NUP85: variants seen among roughly 807,000 people sequenced by gnomAD.
NUP85 encodes nucleoporin 85.
NUP85 carries 23 observed loss-of-function variants against 92.8 expected under a neutral mutation model. The ratio of observed to expected loss-of-function variants is 0.25; its 90% CI spans 0.18 to 0.35. The LOEUF is 0.35. Ranked by LOEUF, NUP85 falls within the 10% of genes least tolerant of loss-of-function variation. NUP85 has a pLI of 1.00. For missense variants in NUP85, 759 were observed against 822.8 expected, an observed-to-expected ratio of 0.92 and a Z score of 0.95; for synonymous variants, 314 against 306.9, an observed-to-expected ratio of 1.02 and a Z score of -0.24.
chr17:75,211,347 T>G (rs570678124), intron 3 of NUP85, among the ~76,000 whole-genome samples: 1 of 152,014 alleles, frequency 6.6e-6, no homozygotes, highest in East Asian at 1.9e-4. Flanking sequence ...ATTGGTGAGT[T>G]TGAGAAATCT....
rs1356284240 is a variant in NUP85, at chr17:75,235,588, T to G, written c.1880T>G (p.Ile627Arg). The change falls in exon 19 of 19, where the codon ATA (isoleucine) becomes AGA (arginine). Residue 627 changes from isoleucine (I) to arginine (R), a missense_variant. Physicochemically the swap from Ile to Arg is moderately conservative, Grantham distance 97. Transcript: ENST00000245544. Reference sequence around the variant, plus strand: ...CTCTCTGCTTTGCAGGATGATGACATAGAGACCACCAAGGTGGAAATGCTG... The same window carrying G: ...CTCTCTGCTTTGCAGGATGATGACAGAGAGACCACCAAGGTGGAAATGCTG... ...SDTEQLQDDD[I>R]ETTKVEMLRL... The G allele has an allele frequency of 6.2e-7, 1 of 1,613,760 alleles. No homozygotes were observed. Among genetic ancestry groups the G allele is most frequent in the East Asian group, 2.2e-5 (1 of 44,882 alleles).
intron 11 of NUP85, chr17:75,228,270 A>G: frequency 1.0e-6 from 1 of 985,424 alleles, no homozygotes; most frequent in African/African-American, 1.7e-5. Flanking sequence ...AAGTACCATG[A>G]AGAGGGGTGA....
rs745598348 is a variant in NUP85, at chr17:75,232,806, AT to A, written c.1397-42del. ...CCCCACAGGGCTCAGGAATGGAGTG[AT>A]TTGTGGAGTGAAAGCCGTTTACCTT... is the stretch of plus-strand genomic sequence containing the variant. On this transcript the variant is annotated intron_variant, in intron 14 of 18. Transcript: ENST00000245544. The A allele has an allele frequency of 3.9e-6, 6 of 1,557,704 alleles. No homozygotes were observed. In the African/African-American group the frequency reaches 6.8e-5, roughly 18 times the overall value.
intron 3 of NUP85, 89 bp from the exon 4 acceptor site, chr17:75,211,903 A>G (rs2075270017): frequency 1.9e-6 from 2 of 1,049,974 alleles, no homozygotes; most frequent in Non-Finnish European, 2.9e-6. Context: ...TTCTTTCAGC[A>G]AATTTCTGCA....
In NUP85 at chr17:75,225,147, G is replaced by C; in HGVS notation, c.642G>C (p.Gln214His). 1 of 1,601,332 alleles carries C rather than the reference G, an allele frequency of 6.2e-7. No individual in the cohort carries two copies. Among genetic ancestry groups the C allele is most frequent in the Non-Finnish European group, 8.5e-7 (1 of 1,172,414 alleles). Residue 214 changes from glutamine to histidine, a missense_variant, in exon 8 of 19, where the codon CAG becomes CAC. Coordinates refer to ENST00000245544, the MANE Select transcript of NUP85 (RefSeq NM_024844.5). ...VLQGRLDEAR[Q>H]MLSKEADASP... ...AGGGCCGGCTGGATGAGGCCCGACA[G>C]ATGCTCTCCAAGGAAGCCGATGCCA...
chr17:75,234,290 G>A (rs913339744), intron 16 of NUP85, among the ~76,000 whole-genome samples: 4 of 152,048 alleles, frequency 2.6e-5, no homozygotes, highest in African/African-American at 9.7e-5. Flanking sequence ...GACCTCAGGT[G>A]ATCCACCTGA....
chr17:75,228,982 C>T, intron 11 of NUP85: 1 of 985,498 alleles, frequency 1.0e-6, no homozygotes, highest in Non-Finnish European at 1.2e-6. Flanking sequence ...GTCCCTTCTT[C>T]CCTCCTGGCT....
At chr17:75,211,963 C>T in intron 3 of NUP85, 29 bp from the exon 4 acceptor site, 12 of 1,563,500 alleles carry the variant, frequency 7.7e-6, no homozygotes, top group Non-Finnish European at 1.1e-5. Flanking sequence ...GTTCCAGGCT[C>T]ATCTTGTGTG....
chr17:75,230,987 G>A (rs10852760), intron 11 of NUP85, among the ~76,000 whole-genome samples: 137,466 of 150,468 alleles, frequency 0.91, 63,808 homozygotes, highest in Non-Finnish European at 1. Context: ...GTTGGAGTGC[G>A]GTGGCGTGAT....
At chr17:75,208,641 A>C in intron 2 of NUP85, 21 bp downstream of exon 2, 2 of 1,364,862 alleles carry the variant, frequency 1.5e-6, no homozygotes, top group Non-Finnish European at 2.1e-6. Context: ...TTTTCTTCCA[A>C]ATTATCCATC....
At chr17:75,215,910 G>A (rs774232086) in intron 6 of NUP85, 87 bp downstream of exon 6, 44 of 1,154,178 alleles carry the variant, frequency 3.8e-5, no homozygotes, top group Non-Finnish European at 5.6e-5. Flanking sequence ...ATGGTGATGA[G>A]TGTTTTATTC....
intron 11 of NUP85, 142 bp downstream of exon 11, chr17:75,226,299 AATACCTGAG>A: frequency 1.6e-6 from 1 of 638,742 alleles, no homozygotes; most frequent in Non-Finnish European, 2.8e-6. Flanking sequence ...GATATTACAG[AATACCTGAG>A]ACCAGATAAT....
chr17:75,235,641 C>T lies in NUP85; in HGVS notation c.1933C>T (p.Arg645Trp), dbSNP rs368572297. ...LRLSLARNLA[R>W]AIIREGSLEG... Reference sequence around the variant, plus strand: ...ACTTTCTCTGGCACGAAATCTTGCTCGGGCAATTATAAGAGAAGGCTCACT... The same window carrying T: ...ACTTTCTCTGGCACGAAATCTTGCTTGGGCAATTATAAGAGAAGGCTCACT... The change falls in exon 19 of 19, where the codon CGG (arginine) becomes TGG (tryptophan). Residue 645 changes from arginine to tryptophan, a missense_variant. Coordinates refer to ENST00000245544, the MANE Select transcript of NUP85 (RefSeq NM_024844.5). 3.5e-5 allele frequency: 57 copies of T among 1,613,904 alleles called. No individual in the cohort carries two copies. The highest frequency in any genetic ancestry group is 4.1e-5 in the Non-Finnish European group (48 of 1,179,914).
rs963545511 is a variant in NUP85, at chr17:75,208,719, A to G, written c.127+99A>G. The G allele has an allele frequency of 1.1e-5, 8 of 757,964 alleles. No homozygotes were observed. In the African/African-American group the frequency reaches 1.4e-4, roughly 13 times the overall value. The allele number at this position is 757,964 out of a possible 1,614,324, so 47.0% of individuals were successfully genotyped here. A position where few individuals can be genotyped will look rare whatever the true frequency, so the allele number is the denominator to read the frequency against. ...ACTAGTTGTGGACTGAAACAGTTGA[A>G]TTTATTTTGTACTATTTTAATTTTC... On this transcript the variant is annotated intron_variant, in intron 2 of 18. Transcript: ENST00000245544.
chr17:75,233,102 ATC>A lies in NUP85; in HGVS notation c.1562_1563del (p.Leu521HisfsTer2). 1 of 1,613,930 alleles carries A rather than the reference ATC, an allele frequency of 6.2e-7. No individual in the cohort carries two copies. Reference sequence around the variant, plus strand: ...GAGCGAGGCTGCTTTTCTGATTTGGATCTCATTGACAACCTGGGGCCAGCCAT... The same window carrying A: ...GAGCGAGGCTGCTTTTCTGATTTGGATCATTGACAACCTGGGGCCAGCCAT... On this transcript the variant is annotated frameshift_variant, in exon 16 of 19. Coordinates refer to ENST00000245544, the MANE Select transcript of NUP85 (RefSeq NM_024844.5). LOFTEE classifies it high-confidence loss of function.
In NUP85 at chr17:75,232,916, T is replaced by C; in HGVS notation, c.1462T>C (p.Ser488Pro). The change falls in exon 15 of 19, where the codon TCT becomes CCT. Residue 488 changes from serine (S) to proline (P), a missense_variant. By Grantham distance (74) the Ser-to-Pro change is moderately conservative. Transcript: ENST00000245544. ...VRNNRLGSAL[S>P]WSIRAKDAAF... is the part of the protein sequence containing the mutation. The stretch of plus-strand genomic sequence containing the variant: ...CAACAATCGCCTGGGTTCTGCCCTC[T>C]CTTGGAGCATCCGTGCTAAGGATGC... 1 of 1,614,204 alleles carries C rather than the reference T, an allele frequency of 6.2e-7. No homozygotes were observed. The highest frequency in any genetic ancestry group is 8.5e-7 in the Non-Finnish European group (1 of 1,180,038).
chr17:75,229,820 C>G lies in NUP85; in HGVS notation c.1095-1520C>G, dbSNP rs8064824. ...CTTCCTTCCAGTTGTTGGTGGCTTT[C>G]GTGCAGGCTAAGGCTTTGGCTCCCT... On this transcript the variant is annotated intron_variant, in intron 11 of 18. Coordinates refer to ENST00000245544, the MANE Select transcript of NUP85 (RefSeq NM_024844.5). Among the ~76,000 whole-genome samples the G allele has an allele frequency of 1.9e-3, 285 of 152,156 alleles. 2 individuals are homozygous for G. The highest frequency in any genetic ancestry group is 3.5e-3 in the Non-Finnish European group (239 of 68,014).
At chr17:75,226,754 T>C (rs541602286) in intron 11 of NUP85, 7 of 450,346 alleles carry the variant, frequency 1.6e-5, no homozygotes, top group Non-Finnish European at 3.1e-5. Flanking sequence ...GGGATGTTCA[T>C]TTAAAATAAC....
chr17:75,212,097 T>TGA, intron 4 of NUP85, 35 bp downstream of exon 4: 1 of 1,404,494 alleles, frequency 7.1e-7, no homozygotes, highest in Non-Finnish European at 9.8e-7. Flanking sequence ...CGTGTGTGTG[T>TGA]GTGTGTGTGT....
Sources: gnomAD v4.1 joint callset for allele counts (sites outside exome capture counted in the v4.1 genomes callset) on GRCh38, gnomAD v4.1.1 for gene constraint, MANE v1.5 for transcripts, NCBI Gene and HGNC (gene_info 2026-07-23, HGNC 2026-07-21) for gene names.